Variants in SEMA6A observed in about 807,000 individuals in gnomAD.
The protein encoded by SEMA6A is semaphorin 6A.
Under a neutral mutation model 96.8 loss-of-function variants are expected in SEMA6A, and 25 were observed. The ratio of observed to expected loss-of-function variants is 0.26; its 90% CI spans 0.19 to 0.36. The LOEUF (loss-of-function observed/expected upper bound fraction) is 0.36, where lower values mean the gene tolerates loss of function less well. Among genes scored for constraint, SEMA6A ranks in the 10% least tolerant of loss-of-function variants. SEMA6A has a pLI of 1.00. For synonymous variants in SEMA6A, 612 were observed against 518.0 expected, an observed-to-expected ratio of 1.18 and a Z score of -2.46; for missense variants, 1,363 against 1,323.1, an observed-to-expected ratio of 1.03 and a Z score of -0.47.
intron 1 of SEMA6A, among the ~76,000 whole-genome samples, chr5:116,517,312 G>T (rs1466970860): frequency 6.6e-6 from 1 of 151,942 alleles, no homozygotes; most frequent in African/African-American, 2.4e-5. Flanking sequence ...AAAAGATTGG[G>T]ACACTACATG....
chr5:116,482,180 A>T (rs144940071), intron 11 of SEMA6A, among the ~76,000 whole-genome samples: 134 of 152,304 alleles, frequency 8.8e-4, no homozygotes, highest in African/African-American at 2.9e-3. Context: ...TTTCCCAACT[A>T]TAAGCCAGTG....
Position 116,552,596 on chromosome 5 carries a change from C to A in SEMA6A, c.-39+21589G>T, listed in dbSNP as rs1760460594. ...GCCATGGAGCAATTTAGTTAAGCGG[C>A]CCGGGCAGTATGAAGGTGAGACAGC... On this transcript the variant is annotated intron_variant, in intron 1 of 18. Transcript: ENST00000343348. 2.0e-5 allele frequency among the ~76,000 whole-genome samples: 3 copies of A among 152,110 alleles called. No individual in the cohort carries two copies. The South Asian group carries it at 6.2e-4, about 32-fold the overall frequency.
At chr5:116,490,377 C>T (rs1423969116) in intron 7 of SEMA6A, among the ~76,000 whole-genome samples, 1 of 152,114 alleles carries the variant, frequency 6.6e-6, no homozygotes, top group African/African-American at 2.4e-5. Flanking sequence ...GCTGGGATTA[C>T]AGGTGAGAGC....
chr5:116,536,744 G>A (rs915471203), intron 1 of SEMA6A, among the ~76,000 whole-genome samples: 4 of 149,592 alleles, frequency 2.7e-5, no homozygotes, highest in Non-Finnish European at 6.0e-5. Flanking sequence ...TCCATGTGCC[G>A]TGTTCTCTTC....
intron 16 of SEMA6A, among the ~76,000 whole-genome samples, chr5:116,473,874 G>A (rs922273419): frequency 3.9e-5 from 6 of 152,126 alleles, no homozygotes; most frequent in Admixed American, 1.3e-4. Flanking sequence ...CTCCTGCCCC[G>A]AGCAAGCACC....
At chr5:116,461,824 T>A (rs1033108548) in intron 18 of SEMA6A, among the ~76,000 whole-genome samples, 1 of 152,218 alleles carries the variant, frequency 6.6e-6, no homozygotes, top group Admixed American at 6.5e-5. Context: ...TGGTGTTTGA[T>A]ATTTCTTGGA....
chr5:116,566,474 G>C (rs1467932731), intron 1 of SEMA6A, among the ~76,000 whole-genome samples: 1 of 152,116 alleles, frequency 6.6e-6, no homozygotes, highest in Non-Finnish European at 1.5e-5. Flanking sequence ...CTGAAACTTC[G>C]GTCCTTGCAG....
chr5:116,465,618 C>A (rs1051506299), intron 18 of SEMA6A, among the ~76,000 whole-genome samples: 1 of 152,094 alleles, frequency 6.6e-6, no homozygotes, highest in African/African-American at 2.4e-5. Context: ...TATAATAAGA[C>A]CCAAGAGAAT....
chr5:116,488,704 T>G (rs1757182245), intron 8 of SEMA6A, among the ~76,000 whole-genome samples, 184 bp downstream of exon 8: 1 of 152,072 alleles, frequency 6.6e-6, no homozygotes, highest in Admixed American at 6.5e-5. Flanking sequence ...CTCCAGAAAC[T>G]CAGGGGAAGG....
intron 6 of SEMA6A, among the ~76,000 whole-genome samples, chr5:116,494,344 G>T (rs2112741984): frequency 6.6e-6 from 1 of 152,252 alleles, no homozygotes; most frequent in East Asian, 1.9e-4. Context: ...GTTAGGCATT[G>T]CCTCATTCAG....
At chr5:116,459,367 T>G (rs1755227389) in intron 18 of SEMA6A, among the ~76,000 whole-genome samples, 1 of 151,828 alleles carries the variant, frequency 6.6e-6, no homozygotes, top group Non-Finnish European at 1.5e-5. Flanking sequence ...TCAATCTTGC[T>G]ATCTTTGTCT....
chr5:116,447,464 G>A lies in SEMA6A; in HGVS notation c.2242C>T (p.His748Tyr), dbSNP rs1333162411. The change falls in exon 19 of 19, where the codon CAC (histidine) becomes TAC (tyrosine). Residue 748 changes from histidine to tyrosine, a missense_variant. Physicochemically the swap from His to Tyr is moderately conservative, Grantham distance 83. Transcript: ENST00000343348. ...TAKMLIKADQ[H>Y]HLDLTALPTP... ...GGGAGGGCCGTCAGGTCCAGGTGGT[G>A]CTGGTCTGCTTTAATGAGCATCTTG... 1.9e-6 allele frequency: 3 copies of A among 1,613,958 alleles called. No individual in the cohort carries two copies. Among genetic ancestry groups the A allele is most frequent in the African/African-American group, 1.3e-5 (1 of 74,948 alleles).
intron 1 of SEMA6A, among the ~76,000 whole-genome samples, chr5:116,524,777 C>CACACACACACAGACACACACACACACAG (rs1279423172): frequency 5.4e-5 from 8 of 148,488 alleles, no homozygotes; most frequent in Admixed American, 2.0e-4. Flanking sequence ...TGTATACACA[C>CACACACACACAGACACACACACACACAG]ACACACACAC....
intron 1 of SEMA6A, among the ~76,000 whole-genome samples, chr5:116,556,328 G>A: frequency 6.6e-6 from 1 of 152,266 alleles, no homozygotes; most frequent in South Asian, 2.1e-4. Context: ...AGATTCATCT[G>A]GACACTATCA....
chr5:116,460,152 A>T (rs1177090220), intron 18 of SEMA6A, among the ~76,000 whole-genome samples: 1 of 152,194 alleles, frequency 6.6e-6, no homozygotes, highest in Non-Finnish European at 1.5e-5. Flanking sequence ...TAAAATTTTG[A>T]GGTTAAGTAA....
intron 1 of SEMA6A, among the ~76,000 whole-genome samples, chr5:116,516,885 A>G (rs1184989337): frequency 6.6e-6 from 1 of 152,132 alleles, no homozygotes; most frequent in Non-Finnish European, 1.5e-5. Context: ...TCACCGCACA[A>G]ACAGAACAGT....
rs866856968 is a variant in SEMA6A, at chr5:116,557,629, G to T, written c.-39+16556C>A. Among the ~76,000 whole-genome samples the T allele has an allele frequency of 1.2e-4, 18 of 150,786 alleles. No homozygotes were observed. The South Asian group carries it at 1.3e-3, about 11-fold the overall frequency. ...TGGTTAAGGTAGTCCTAAAACCTGT[G>T]TTAGACTTGGTATTCCGGATATGGC... is the stretch of plus-strand genomic sequence containing the variant. On this transcript the variant is annotated intron_variant, in intron 1 of 18. Coordinates refer to ENST00000343348, the MANE Select transcript of SEMA6A (RefSeq NM_020796.5).
Position 116,446,531 on chromosome 5 carries a change from C to G in SEMA6A, c.*82G>C. ...AGGCCTTCTTGGTCTGGTGGGTACT[C>G]GAGGCAGTTGAGAACCTTGCTGAGC... is the stretch of plus-strand genomic sequence containing the variant. On this transcript the variant is annotated 3_prime_UTR_variant, in exon 19 of 19. Transcript: ENST00000343348. 1 of 1,224,806 alleles carries G rather than the reference C, an allele frequency of 8.2e-7. No individual in the cohort carries two copies. Among genetic ancestry groups the G allele is most frequent in the African/African-American group, 1.5e-5 (1 of 65,318 alleles). 75.9% of individuals were successfully genotyped at this position (1,224,806 alleles called of 1,614,324 possible).
At chr5:116,512,191 A>G (rs183436502) in intron 1 of SEMA6A, among the ~76,000 whole-genome samples, 2,207 of 152,320 alleles carry the variant, frequency 0.014, 33 homozygotes, top group Non-Finnish European at 0.018. Flanking sequence ...AACACATCCC[A>G]TCGTAATTAG....
Sources: allele counts gnomAD v4.1 joint callset (sites outside exome capture counted in the v4.1 genomes callset), GRCh38; gene constraint gnomAD v4.1.1; transcripts MANE v1.5; gene names NCBI Gene and HGNC (gene_info 2026-07-23, HGNC 2026-07-21).